Variants in NOC2L observed in about 807,000 individuals in gnomAD.
NOC2L encodes nucleolar complex protein 2 homolog.
NOC2L carries 101 observed loss-of-function variants against 94.2 expected under a neutral mutation model. That is an observed-to-expected ratio of 1.07 (90% CI 0.91 to 1.26). The LOEUF (loss-of-function observed/expected upper bound fraction) is 1.26. NOC2L is among the 50% of genes most tolerant of loss of function. The pLI, the probability that NOC2L is intolerant of heterozygous loss-of-function variation, is 0.00. For synonymous variants in NOC2L, 531 were observed against 413.4 expected (o/e 1.28, Z -3.45); for missense variants, 1,076 against 980.1 (o/e 1.10, Z -1.31).
Position 957,262 on chromosome 1 carries a change from C to G in NOC2L, c.191G>C (p.Gly64Ala), listed in dbSNP as rs1487546903. Residue 64 changes from glycine to alanine, a missense_variant, in exon 3 of 19, where the codon GGC becomes GCC. This residue lies in a region of NOC2L where 457 missense variants were observed against 386.0 expected (regional missense o/e 1.18). Transcript: ENST00000327044. ...GGSPSASRRK[G>A]RASEHKDQLS... ...CTGGTCTTTGTGCTCAGAGGCACGGCCTTTACGCCGGCTGAGGAGGCAGAA... is the reference window on the plus strand; with the variant it reads ...CTGGTCTTTGTGCTCAGAGGCACGGGCTTTACGCCGGCTGAGGAGGCAGAA... 1 of 1,613,632 alleles carries G rather than the reference C, an allele frequency of 6.2e-7. No homozygotes were observed. The highest frequency in any genetic ancestry group is 8.5e-7 in the Non-Finnish European group (1 of 1,179,948).
chr1:953,754 G>A, intron 8 of NOC2L, 28 bp downstream of exon 8: 1 of 1,541,078 alleles, frequency 6.5e-7, no homozygotes, highest in Non-Finnish European at 9.0e-7. Flanking sequence ...CCCCATGACA[G>A]ACACAGGGAG....
At chr1:955,049 C>G (rs1312571487) in intron 6 of NOC2L, among the ~76,000 whole-genome samples, 2 of 152,238 alleles carry the variant, frequency 1.3e-5, no homozygotes, top group Non-Finnish European at 2.9e-5. Flanking sequence ...CTCTGCTCCC[C>G]ACGGCCTGAC....
At position 951,159 on chromosome 1, in the gene NOC2L, C is replaced by A. The variant is rs1642250822; in HGVS notation, c.1411G>T (p.Ala471Ser). 3 of 1,591,994 alleles carry A rather than the reference C, an allele frequency of 1.9e-6. No individual in the cohort carries two copies. The highest frequency in any genetic ancestry group is 1.3e-5 in the African/African-American group (1 of 74,690). Residue 471 changes from alanine (A) to serine (S), a missense_variant, in exon 12 of 19, where the codon GCC becomes TCC. Coordinates refer to ENST00000327044, the MANE Select transcript of NOC2L (RefSeq NM_015658.4). Reference protein sequence around the residue: ...ALTLLSGSSGAFIPVLPFILE... With the variant: ...ALTLLSGSSGSFIPVLPFILE... ...ATGAAAGGCAGCACCGGGATGAAGG[C>A]CCCCGAGCTCCCCGAGAGCAGCGTC...
chr1:955,371 G>A (rs544201059), intron 6 of NOC2L, among the ~76,000 whole-genome samples: 11 of 152,244 alleles, frequency 7.2e-5, no homozygotes, highest in Non-Finnish European at 1.5e-4. Context: ...AAGGTCACAT[G>A]GCTGCACAGC....
rs1642418949 is a variant in NOC2L, at chr1:956,933, C to T, written c.447G>A (p.Val149=). The T allele has an allele frequency of 3.1e-6, 5 of 1,614,108 alleles. No homozygotes were observed. In the South Asian group the frequency reaches 3.3e-5, roughly 11 times the overall value. ...TCCATCTCTCAACCATGGCGACGGT[C>T]ACAGGAACAGAATTCTTCTTCCCCT... ...GLKGKKNSVP[V]TVAMVERWKQ... is the part of the protein sequence containing the mutation. Residue 149 remains valine (V), a synonymous_variant, in exon 4 of 19, where the codon GTG becomes GTA. Coordinates refer to ENST00000327044, the MANE Select transcript of NOC2L (RefSeq NM_015658.4).
chr1:953,105 C>T (rs1038603394), intron 9 of NOC2L, 70 bp downstream of exon 9: 13 of 1,136,630 alleles, frequency 1.1e-5, no homozygotes, highest in African/African-American at 1.1e-4. Context: ...ACAAAGGCAG[C>T]CCGCCCTGCC....
chr1:952,351 C>T lies in NOC2L; in HGVS notation c.1191+61G>A, dbSNP rs991078932. ...GGAGGCCCCAGGCCCTGCCTTGGGT[C>T]GGGCACCTGGGCTGCCCCACCCCAT... On this transcript the variant is annotated intron_variant, in intron 10 of 18. Coordinates refer to ENST00000327044, the MANE Select transcript of NOC2L (RefSeq NM_015658.4). 6.3e-6 allele frequency: 10 copies of T among 1,578,914 alleles called. No homozygotes were observed. In the Admixed American group the frequency reaches 6.8e-5, roughly 11 times the overall value.
At chr1:949,448 G>A (rs1249274874) in intron 12 of NOC2L, among the ~76,000 whole-genome samples, 2 of 152,230 alleles carry the variant, frequency 1.3e-5, no homozygotes, top group East Asian at 1.9e-4. Flanking sequence ...AGTATGGGCA[G>A]GCGACTGGCT....
intron 12 of NOC2L, among the ~76,000 whole-genome samples, chr1:949,366 G>A (rs1257834313): frequency 6.6e-6 from 1 of 152,204 alleles, no homozygotes; most frequent in East Asian, 1.9e-4. Flanking sequence ...CTGAGCTCAG[G>A]TCCAGATGGG....
At chr1:951,294 T>C in intron 11 of NOC2L, 56 bp from the exon 12 acceptor site, 9 of 1,311,506 alleles carry the variant, frequency 6.9e-6, no homozygotes, top group Middle Eastern at 1.8e-4. Flanking sequence ...CCCCTGCCCC[T>C]CCCCCTGCTG....
intron 14 of NOC2L, among the ~76,000 whole-genome samples, chr1:947,565 C>T (rs1052933028): frequency 3.3e-5 from 5 of 152,224 alleles, no homozygotes; most frequent in African/African-American, 7.2e-5. Context: ...GGAAACATCA[C>T]GGCTGAGAGC....
chr1:957,666 C>T lies in NOC2L; in HGVS notation c.180-393G>A, dbSNP rs1298296648. The stretch of plus-strand genomic sequence containing the variant: ...CAGCACGCAACTTGTCATCAGATCT[C>T]ATCAGCAACACCTTCAAAACCGTTC... On this transcript the variant is annotated intron_variant, in intron 2 of 18. Transcript: ENST00000327044. 4 of 204,044 alleles carry T rather than the reference C, an allele frequency of 2.0e-5. No individual in the cohort carries two copies. In the Admixed American group the frequency reaches 2.1e-4, roughly 11 times the overall value. The allele number at this position is 204,044 out of a possible 1,614,324, so 12.6% of individuals were successfully genotyped here.
At chr1:955,782 C>T in intron 6 of NOC2L, 141 bp downstream of exon 6, 1 of 727,042 alleles carries the variant, frequency 1.4e-6, no homozygotes, top group Non-Finnish European at 2.3e-6. Context: ...GTCCCTCGTG[C>T]CCCGCTGCCT....
At chr1:950,062 G>A (rs1411505459) in intron 12 of NOC2L, among the ~76,000 whole-genome samples, 4 of 152,208 alleles carry the variant, frequency 2.6e-5, no homozygotes, top group African/African-American at 4.8e-5. Flanking sequence ...GCATGTGCAC[G>A]TGCAAAGATG....
At chr1:945,174 G>A (rs1642065832) in intron 17 of NOC2L, 28 bp from the exon 18 acceptor site, 1 of 1,569,342 alleles carries the variant, frequency 6.4e-7, no homozygotes. Flanking sequence ...GAGTCCATAT[G>A]ACTCCCACCC....
In NOC2L at chr1:954,033, T is replaced by G. The variant is rs770185904; in HGVS notation, c.748A>C (p.Ile250Leu). ...ATGGCCGAGCCCAGGTAAGCCTTGA[T>G]GTCCACACGAAGCTTCCCCCAGAGC... ...SPLWGKLRVD[I>L]KAYLGSAIQL... The change falls in exon 7 of 19, where the codon ATC becomes CTC. Residue 250 changes from isoleucine (I) to leucine (L), a missense_variant. By Grantham distance (5) the Ile-to-Leu change is conservative (BLOSUM62 2). This residue lies in a region of NOC2L where 457 missense variants were observed against 386.0 expected (regional missense o/e 1.18). Transcript: ENST00000327044. 3 of 1,608,198 alleles carry G rather than the reference T, an allele frequency of 1.9e-6. No homozygotes were observed. The highest frequency in any genetic ancestry group is 2.6e-6 in the Non-Finnish European group (3 of 1,176,066).
intron 12 of NOC2L, 107 bp from the exon 13 acceptor site, chr1:948,710 G>T: frequency 1.2e-6 from 1 of 800,134 alleles, no homozygotes. Flanking sequence ...GCACCTGGCT[G>T]CACCCTGGTC....
rs1455067137 is a variant in NOC2L at position 953,891 on chromosome 1, A to G, written c.779T>C (p.Leu260Pro). Residue 260 changes from leucine (L) to proline (P), a missense_variant and splice_region_variant, in exon 8 of 19, where the codon CTG becomes CCG. Leu to Pro is a moderately conservative substitution (Grantham distance 98, BLOSUM62 -3). Transcript: ENST00000327044. ...CGTCGTCTCCGACAGACAGGACACC[A>G]GCTGGGGGCAGGAGGGGACAGTGAA... Reference protein sequence around the residue: ...IKAYLGSAIQLVSCLSETTVL... With the variant: ...IKAYLGSAIQPVSCLSETTVL... 6.2e-7 allele frequency: 1 copy of G among 1,613,042 alleles called. No homozygotes were observed. Among genetic ancestry groups the G allele is most frequent in the African/African-American group, 1.3e-5 (1 of 75,058 alleles).
At chr1:944,915 T>G in intron 18 of NOC2L, 115 bp from the exon 19 acceptor site, 1 of 1,417,830 alleles carries the variant, frequency 7.1e-7, no homozygotes, top group Non-Finnish European at 9.7e-7. Flanking sequence ...TGTTGCTGGC[T>G]GCCAGAGAAC....
Sources: gnomAD v4.1 joint callset for allele counts (sites outside exome capture counted in the v4.1 genomes callset) on GRCh38, gnomAD v4.1.1 for gene constraint, gnomAD v4.1.1 regional missense constraint, MANE v1.5 for transcripts, NCBI Gene and HGNC (gene_info 2026-07-23, HGNC 2026-07-21) for gene names.